The following UNC13C variants were observed in gnomAD, a reference collection of about 807,000 sequenced individuals.
The protein encoded by UNC13C is protein unc-13 homolog C.
In UNC13C, 174 loss-of-function variants were observed where a neutral mutation model predicts 245.4. The observed-to-expected ratio is 0.71, with a 90% CI of 0.63 to 0.80. The LOEUF (loss-of-function observed/expected upper bound fraction) is 0.80, where lower values mean the gene tolerates loss of function less well. Ranked by LOEUF, UNC13C falls within the 30% of genes least tolerant of loss-of-function variation. The probability of loss-of-function intolerance (pLI) is 0.00; values close to 1 mark genes in which losing one functional copy is unlikely to be tolerated. For missense variants in UNC13C, 2,829 were observed against 2,602.9 expected (o/e 1.09, Z -1.89); for synonymous variants, 992 against 895.1 (o/e 1.11, Z -1.93).
intron 4 of UNC13C, among the ~76,000 whole-genome samples, chr15:54,221,637 C>G (rs1013342746): frequency 6.6e-6 from 1 of 151,376 alleles, no homozygotes; most frequent in Non-Finnish European, 1.5e-5. Flanking sequence ...TTATCTTATA[C>G]CTTGCTTTAA....
intron 4 of UNC13C, among the ~76,000 whole-genome samples, chr15:54,183,591 C>G (rs1342836895): frequency 6.6e-6 from 1 of 151,220 alleles, no homozygotes; most frequent in Non-Finnish European, 1.5e-5. Flanking sequence ...TTAAAATGTC[C>G]AAAAGAAATT....
the UNC13C span, among the ~76,000 whole-genome samples, chr15:53,870,441 C>A: frequency 7.5e-6 from 1 of 134,152 alleles, no homozygotes; most frequent in African/African-American, 2.7e-5. Context: ...CACCCCCACA[C>A]TGGCTGGAGT....
chr15:54,179,014 A>C (rs1448233401), intron 4 of UNC13C, among the ~76,000 whole-genome samples: 1 of 152,176 alleles, frequency 6.6e-6, no homozygotes, highest in African/African-American at 2.4e-5. Flanking sequence ...AGAGATCAGG[A>C]AGTATAAATC....
chr15:54,453,973 G>A (rs1891328686), intron 19 of UNC13C, among the ~76,000 whole-genome samples: 1 of 152,036 alleles, frequency 6.6e-6, no homozygotes, highest in African/African-American at 2.4e-5. Context: ...TTCTAGCTCT[G>A]TGGATTGGCA....
At chr15:54,630,170 A>G (rs1329354676), downstream of UNC13C, 1 of 152,226 alleles carries the variant, frequency 6.6e-6, no homozygotes, top group East Asian at 1.9e-4. Context: ...AGGTCTTTAA[A>G]GATACACGTG....
chr15:53,848,457 C>T, the UNC13C span, among the ~76,000 whole-genome samples: 2 of 152,028 alleles, frequency 1.3e-5, no homozygotes, highest in African/African-American at 4.8e-5. Flanking sequence ...TTTTATTGCT[C>T]AATTTAATTG....
At chr15:53,892,053 G>A in the UNC13C span, among the ~76,000 whole-genome samples, 1 of 151,842 alleles carries the variant, frequency 6.6e-6, no homozygotes, top group Admixed American at 6.6e-5. Context: ...TAAGGCAAGA[G>A]CCTTACACCA....
intron 4 of UNC13C, among the ~76,000 whole-genome samples, chr15:54,184,109 T>C (rs1231456917): frequency 6.6e-6 from 1 of 152,114 alleles, no homozygotes; most frequent in Non-Finnish European, 1.5e-5. Flanking sequence ...ACATCTGATT[T>C]AGTATGTTTT....
chr15:54,017,704 C>A (rs1367235338), intron 2 of UNC13C, among the ~76,000 whole-genome samples: 1 of 152,060 alleles, frequency 6.6e-6, no homozygotes, highest in East Asian at 1.9e-4. Flanking sequence ...TGATGGTGAC[C>A]CTTCAGCCAG....
At chr15:54,023,012 A>G (rs1163805528) in intron 2 of UNC13C, among the ~76,000 whole-genome samples, 1 of 152,248 alleles carries the variant, frequency 6.6e-6, no homozygotes, top group Non-Finnish European at 1.5e-5. Context: ...ATTAGTCCCA[A>G]CTGGAGCCAA....
At chr15:54,409,792 AG>A (rs1596337109) in intron 18 of UNC13C, among the ~76,000 whole-genome samples, 1 of 152,188 alleles carries the variant, frequency 6.6e-6, no homozygotes, top group African/African-American at 2.4e-5. Context: ...ATGGGCTTCT[AG>A]GTTGAATTCT....
At chr15:54,109,052 A>AG (rs1236102608) in intron 2 of UNC13C, among the ~76,000 whole-genome samples, 1 of 151,686 alleles carries the variant, frequency 6.6e-6, no homozygotes, top group Non-Finnish European at 1.5e-5. Flanking sequence ...TACCTGCCCA[A>AG]GGGGAAAGTT....
In UNC13C at chr15:54,297,906, C is replaced by G; in HGVS notation, c.4084C>G (p.Gln1362Glu). ...AGAGAAGGTTGCTCCATATCATATT[C>G]AATATACATGTTTACATGAGGTAAA... ...GEEKVAPYHI[Q>E]YTCLHENLFH... The change falls in exon 12 of 33, where the codon CAA (glutamine) becomes GAA (glutamate). Residue 1362 changes from glutamine (Q) to glutamate (E), a missense_variant. Transcript: ENST00000260323. 6.3e-7 allele frequency: 1 copy of G among 1,595,524 alleles called. No homozygotes were observed. The highest frequency in any genetic ancestry group is 8.6e-7 in the Non-Finnish European group (1 of 1,167,980).
At chr15:54,189,072 C>G (rs113920282) in intron 4 of UNC13C, among the ~76,000 whole-genome samples, 6,299 of 152,082 alleles carry the variant, frequency 0.041, 383 homozygotes, top group African/African-American at 0.13. Flanking sequence ...GTAGATAATT[C>G]AGAGATTTAT....
At chr15:54,150,811 A>C (rs779377477) in intron 4 of UNC13C, among the ~76,000 whole-genome samples, 11 of 152,188 alleles carry the variant, frequency 7.2e-5, no homozygotes, top group Non-Finnish European at 1.6e-4. Context: ...AGCATCTATG[A>C]AATTAAGATA....
At chr15:54,083,870 A>G (rs1465214371) in intron 2 of UNC13C, among the ~76,000 whole-genome samples, 1 of 152,176 alleles carries the variant, frequency 6.6e-6, no homozygotes, top group Non-Finnish European at 1.5e-5. Flanking sequence ...GGCCAATGAT[A>G]GGTACATAAC....
chr15:54,165,588 T>G (rs1022613844), intron 4 of UNC13C, among the ~76,000 whole-genome samples: 2 of 152,142 alleles, frequency 1.3e-5, no homozygotes, highest in African/African-American at 4.8e-5. Flanking sequence ...GTTATCATCT[T>G]TATATACTAT....
chr15:54,263,162 A>T (rs1169788464), intron 8 of UNC13C, among the ~76,000 whole-genome samples: 1 of 152,220 alleles, frequency 6.6e-6, no homozygotes, highest in African/African-American at 2.4e-5. Context: ...AAAGAAAATT[A>T]GAGCAATTAC....
chr15:54,261,446 C>A (rs2036421456), intron 8 of UNC13C, among the ~76,000 whole-genome samples: 1 of 152,190 alleles, frequency 6.6e-6, no homozygotes, highest in Non-Finnish European at 1.5e-5. Context: ...ATGAATTTGT[C>A]TCTATCTCTG....
Sources: gnomAD v4.1 joint callset for allele counts (sites outside exome capture counted in the v4.1 genomes callset) on GRCh38, gnomAD v4.1.1 for gene constraint, MANE v1.5 for transcripts, NCBI Gene and HGNC (gene_info 2026-07-23, HGNC 2026-07-21) for gene names.